LYPD6: variants seen among roughly 807,000 people sequenced by gnomAD.
LYPD6 encodes LY6/PLAUR domain containing 6, also known as ly6/PLAUR domain-containing protein 6.
In LYPD6, 15 loss-of-function variants were observed where a neutral mutation model predicts 22.7. The ratio of observed to expected loss-of-function variants is 0.66; its 90% confidence interval spans 0.44 to 1.02. The LOEUF (loss-of-function observed/expected upper bound fraction) is 1.02, where lower values mean the gene tolerates loss of function less well. Among genes scored for constraint, LYPD6 ranks in the 50% least tolerant of loss-of-function variants. The pLI is 0.00. For missense variants in LYPD6, 189 were observed against 208.4 expected (o/e 0.91, Z 0.57); for synonymous variants, 72 against 77.5 (o/e 0.93, Z 0.37).
chr2:149,336,488 A>G (rs1297148022), intron 1 of LYPD6, among the ~76,000 whole-genome samples: 1 of 152,198 alleles, frequency 6.6e-6, no homozygotes, highest in Non-Finnish European at 1.5e-5. Flanking sequence ...TCTAAAACAC[A>G]TGTGTCCACC....
intron 1 of LYPD6, among the ~76,000 whole-genome samples, chr2:149,423,955 A>G (rs1032886876): frequency 1.3e-5 from 2 of 150,778 alleles, no homozygotes; most frequent in African/African-American, 5.0e-5. Context: ...GATGTGGGAC[A>G]GAACCCTTTG....
At chr2:149,485,750 C>T in the LYPD6 span, among the ~76,000 whole-genome samples, 2 of 152,152 alleles carry the variant, frequency 1.3e-5, no homozygotes, top group Non-Finnish European at 2.9e-5. Context: ...AAGATAATTT[C>T]ATTCCCCTAA....
intron 1 of LYPD6, among the ~76,000 whole-genome samples, chr2:149,410,073 A>C (rs1682819328): frequency 6.6e-6 from 1 of 152,058 alleles, no homozygotes; most frequent in South Asian, 2.1e-4. Context: ...CTGCCATCTT[A>C]ATCCCCAGTT....
chr2:149,452,545 G>A (rs963476694), intron 3 of LYPD6, among the ~76,000 whole-genome samples: 1 of 152,074 alleles, frequency 6.6e-6, no homozygotes, highest in African/African-American at 2.4e-5. Context: ...ACATTCCTGG[G>A]TTTTTTTGGT....
intron 1 of LYPD6, among the ~76,000 whole-genome samples, chr2:149,361,684 G>A (rs1383299069): frequency 1.3e-5 from 2 of 152,140 alleles, no homozygotes; most frequent in Non-Finnish European, 2.9e-5. Flanking sequence ...AAGTCCTTGA[G>A]CTCAGCAGTT....
At chr2:149,437,429 G>A (rs1211466721) in intron 1 of LYPD6, among the ~76,000 whole-genome samples, 2 of 152,132 alleles carry the variant, frequency 1.3e-5, no homozygotes, top group African/African-American at 4.8e-5. Context: ...ATGGCTACCA[G>A]TGGAGCCTTA....
chr2:149,372,151 G>A (rs1423055944), intron 1 of LYPD6, among the ~76,000 whole-genome samples: 3 of 152,134 alleles, frequency 2.0e-5, no homozygotes, highest in Non-Finnish European at 4.4e-5. Flanking sequence ...CCTTCTTCCT[G>A]GGTGAATAGA....
chr2:149,350,150 A>G (rs1681332601), intron 1 of LYPD6, among the ~76,000 whole-genome samples: 1 of 152,222 alleles, frequency 6.6e-6, no homozygotes, highest in Admixed American at 6.5e-5. Context: ...AAAAGAATAC[A>G]AAGGATGCCA....
the LYPD6 span, among the ~76,000 whole-genome samples, chr2:149,483,124 G>C: frequency 6.6e-6 from 1 of 152,098 alleles, no homozygotes; most frequent in Non-Finnish European, 1.5e-5. Context: ...GTTGTCTGTG[G>C]ACCCCAGGGG....
At chr2:149,409,458 C>T (rs1396300347) in intron 1 of LYPD6, among the ~76,000 whole-genome samples, 2 of 152,178 alleles carry the variant, frequency 1.3e-5, no homozygotes, top group East Asian at 1.9e-4. Context: ...GCCCTAGGGA[C>T]ACCTGGTTAA....
rs994785471 is a variant in LYPD6 at position 149,449,292 on chromosome 2, C to T, written c.217+145C>T. On this transcript the variant is annotated intron_variant, in intron 3 of 4. Transcript: ENST00000334166. ...GGCTATTAGATCTTTTGTACCACACCAATAACTTATCAGAGATTCTCAGAG... is the reference window on the plus strand; with the variant it reads ...GGCTATTAGATCTTTTGTACCACACTAATAACTTATCAGAGATTCTCAGAG... 5.4e-6 allele frequency: 3 copies of T among 558,130 alleles called. No homozygotes were observed. In the East Asian group the frequency reaches 9.0e-5, roughly 17 times the overall value. 34.6% of individuals were successfully genotyped at this position (558,130 alleles called of 1,614,324 possible). A position where few individuals can be genotyped will look rare whatever the true frequency, so the allele number is the denominator to read the frequency against.
At chr2:149,336,165 G>A (rs1204680792) in intron 1 of LYPD6, among the ~76,000 whole-genome samples, 2 of 152,166 alleles carry the variant, frequency 1.3e-5, no homozygotes, top group African/African-American at 4.8e-5. Context: ...AGATCAATAG[G>A]TATATCTCTG....
At chr2:149,465,561 A>G (rs1184578193) in intron 3 of LYPD6, among the ~76,000 whole-genome samples, 1 of 152,216 alleles carries the variant, frequency 6.6e-6, no homozygotes, top group African/African-American at 2.4e-5. Flanking sequence ...ACCATGAAGA[A>G]TAATTGAGTG....
In LYPD6 at chr2:149,468,711, G is replaced by T; in HGVS notation, c.284G>T (p.Arg95Leu). ...GGAAACAGTATCTCAGTCACCAAAC[G>T]CTGTGTCCCACTGGAAGAGTGCTTA... The part of the protein sequence containing the change: ...VTGNSISVTK[R>L]CVPLEECLST... The change falls in exon 4 of 5, where the codon CGC (arginine) becomes CTC (leucine). Residue 95 changes from arginine to leucine, a missense_variant. Arg to Leu is a moderately radical substitution (Grantham distance 102). Coordinates refer to ENST00000334166, the MANE Select transcript of LYPD6 (RefSeq NM_194317.5). 4.3e-6 allele frequency: 7 copies of T among 1,613,608 alleles called. No individual in the cohort carries two copies. The highest frequency in any genetic ancestry group is 5.1e-6 in the Non-Finnish European group (6 of 1,179,676).
At chr2:149,341,389 C>T (rs1681158841) in intron 1 of LYPD6, among the ~76,000 whole-genome samples, 1 of 152,118 alleles carries the variant, frequency 6.6e-6, no homozygotes, top group South Asian at 2.1e-4. Context: ...TTTACGTATA[C>T]CTGTATTTTG....
intron 1 of LYPD6, chr2:149,370,657 G>A (rs895716755): frequency 6.6e-5 from 10 of 152,002 alleles, no homozygotes; most frequent in East Asian, 1.9e-4. Flanking sequence ...TAAATTACCC[G>A]GTCTGTGGTA....
chr2:149,339,314 A>G (rs1681116031), intron 1 of LYPD6, among the ~76,000 whole-genome samples: 1 of 152,138 alleles, frequency 6.6e-6, no homozygotes, highest in Admixed American at 6.5e-5. Context: ...TGAGATCTAT[A>G]TTGGACAGGT....
chr2:149,377,312 GA>G (rs112361141), intron 1 of LYPD6, among the ~76,000 whole-genome samples: 30,738 of 146,092 alleles, frequency 0.21, 3,175 homozygotes, highest in Middle Eastern at 0.25. Context: ...TTAATCACTG[GA>G]AAAAAAAAAA....
chr2:149,380,447 C>T (rs1281907789), intron 1 of LYPD6, among the ~76,000 whole-genome samples: 1 of 152,152 alleles, frequency 6.6e-6, no homozygotes, highest in Non-Finnish European at 1.5e-5. Flanking sequence ...AGGGGCGATC[C>T]ATTTGAAAGG....
Sources: allele counts gnomAD v4.1 joint callset (sites outside exome capture counted in the v4.1 genomes callset), GRCh38; gene constraint gnomAD v4.1.1; transcripts MANE v1.5; gene names NCBI Gene and HGNC (gene_info 2026-07-23, HGNC 2026-07-21).